Variants in RPH3A observed in about 807,000 individuals in gnomAD.
RPH3A encodes rabphilin 3A.
In RPH3A, 48 loss-of-function variants were observed where a neutral mutation model predicts 102.2. The ratio of observed to expected loss-of-function variants is 0.47; its 90% confidence interval spans 0.37 to 0.60. The LOEUF (loss-of-function observed/expected upper bound fraction) is 0.60. Among genes scored for constraint, RPH3A ranks in the 20% least tolerant of loss-of-function variants. RPH3A has a pLI of 0.00. For synonymous variants in RPH3A, 310 were observed against 324.3 expected (o/e 0.96, Z 0.47); for missense variants, 781 against 910.1 (o/e 0.86, Z 1.83).
intron 1 of RPH3A, among the ~76,000 whole-genome samples, chr12:112,631,354 G>T (rs182141800): frequency 1.4e-4 from 21 of 152,232 alleles, no homozygotes; most frequent in African/African-American, 4.3e-4. Flanking sequence ...AATTTCTGTT[G>T]TCCTCCTTGG....
chr12:112,860,793 G>A (rs2042497037), intron 5 of RPH3A, among the ~76,000 whole-genome samples: 1 of 152,202 alleles, frequency 6.6e-6, no homozygotes, highest in Admixed American at 6.5e-5. Flanking sequence ...ATGGTAGAGT[G>A]AGAAGAACAC....
intron 1 of RPH3A, among the ~76,000 whole-genome samples, chr12:112,638,350 A>G (rs571023139): frequency 5.3e-5 from 8 of 152,232 alleles, no homozygotes; most frequent in African/African-American, 1.9e-4. Flanking sequence ...TAGCAACACA[A>G]ATGGACTAAG....
At position 112,896,963 on chromosome 12, in the gene RPH3A, C is replaced by G. The variant is rs2043189303; in HGVS notation, c.*183C>G. ...GCCAAAGACTCCCTCCTCCCTGATG[C>G]TGGGATGTGGGCTCTGAATACAGCC... On this transcript the variant is annotated 3_prime_UTR_variant, in exon 22 of 22. Coordinates refer to ENST00000389385, the MANE Select transcript of RPH3A (RefSeq NM_001143854.2). 1.6e-6 allele frequency: 1 copy of G among 608,510 alleles called. No homozygotes were observed. The highest frequency in any genetic ancestry group is 2.0e-5 in the South Asian group (1 of 49,096). The allele number at this position is 608,510 out of a possible 1,614,324, so 37.7% of individuals were successfully genotyped here.
chr12:112,822,448 C>A (rs2041797544), intron 2 of RPH3A, among the ~76,000 whole-genome samples: 1 of 152,194 alleles, frequency 6.6e-6, no homozygotes, highest in Non-Finnish European at 1.5e-5. Context: ...TTCCATTCAA[C>A]TACAACTAGC....
At chr12:112,885,321 A>G (rs1430859035) in intron 16 of RPH3A, among the ~76,000 whole-genome samples, 1 of 152,242 alleles carries the variant, frequency 6.6e-6, no homozygotes, top group Non-Finnish European at 1.5e-5. Flanking sequence ...GTGCACTCCT[A>G]TCAGCCATGC....
chr12:112,773,354 A>T (rs2040941074), intron 1 of RPH3A, among the ~76,000 whole-genome samples: 1 of 152,188 alleles, frequency 6.6e-6, no homozygotes, highest in African/African-American at 2.4e-5. Flanking sequence ...TCCTTGGTGC[A>T]GAAAAGATCC....
intron 2 of RPH3A, among the ~76,000 whole-genome samples, chr12:112,814,675 C>T (rs1326691833): frequency 1.3e-5 from 2 of 152,156 alleles, no homozygotes; most frequent in Non-Finnish European, 2.9e-5. Context: ...ACCATTCCTT[C>T]CTGGTGATCT....
chr12:112,719,833 A>T (rs2136041578), intron 1 of RPH3A, among the ~76,000 whole-genome samples: 1 of 152,358 alleles, frequency 6.6e-6, no homozygotes. Flanking sequence ...TAGAAGCCAT[A>T]TTAGATACTG....
chr12:112,869,878 T>C lies in RPH3A; in HGVS notation c.650-15T>C, dbSNP rs1345352824. ...CGATGCCCTTTCTCTACTCAATTCA[T>C]GCTCTTCTTTCCAGGCCCTGACCCA... On this transcript the variant is annotated splice_polypyrimidine_tract_variant and intron_variant, in intron 9 of 21. Transcript: ENST00000389385. The C allele has an allele frequency of 1.2e-6, 2 of 1,614,138 alleles. No homozygotes were observed. Among genetic ancestry groups the C allele is most frequent in the South Asian group, 1.1e-5 (1 of 91,072 alleles).
intron 14 of RPH3A, 125 bp from the exon 15 acceptor site, chr12:112,881,647 G>A: frequency 1.7e-6 from 1 of 587,520 alleles, no homozygotes; most frequent in Non-Finnish European, 3.0e-6. Flanking sequence ...CTCTCTCTTT[G>A]GAGGAGGAAG....
At position 112,747,988 on chromosome 12, in the gene RPH3A, A is replaced by G. The variant is rs138881549; in HGVS notation, c.-139-44155A>G. 1.5e-3 allele frequency among the ~76,000 whole-genome samples: 225 copies of G among 152,320 alleles called. 1 individual carries two copies. Among genetic ancestry groups the G allele is most frequent in the African/African-American group, 5.1e-3 (212 of 41,568 alleles). On this transcript the variant is annotated intron_variant, in intron 1 of 21. Transcript: ENST00000543106. ...GATTTCGGGGGCCAACCTGGAAGAG[A>G]CACACATGCCTTCAACTCACATTCT...
Position 112,868,575 on chromosome 12 carries a change from C to T in RPH3A, c.590C>T (p.Pro197Leu), listed in dbSNP as rs758438780. The change falls in exon 8 of 22, where the codon CCT becomes CTT. Residue 197 changes from proline (P) to leucine (L), a missense_variant. Physicochemically the swap from Pro to Leu is moderately conservative, Grantham distance 98 (BLOSUM62 -3). This residue lies in a region of RPH3A where 730 missense variants were observed against 810.0 expected (regional missense o/e 0.90). Coordinates refer to ENST00000389385, the MANE Select transcript of RPH3A (RefSeq NM_001143854.2). ...CAGCCTGCTCCTGAGCCCAAGCACC[C>T]TGCCCGGGCTCCAGCTCGAGGTAGG... ...PEQPAPEPKH[P>L]ARAPARGDSE... 7 of 1,614,074 alleles carry T rather than the reference C, an allele frequency of 4.3e-6. No individual in the cohort carries two copies. Among genetic ancestry groups the T allele is most frequent in the South Asian group, 3.3e-5 (3 of 91,074 alleles).
At chr12:112,881,723 G>A (rs760873342) in intron 14 of RPH3A, 49 bp from the exon 15 acceptor site, 2 of 1,407,758 alleles carry the variant, frequency 1.4e-6, no homozygotes, top group East Asian at 2.3e-5. Context: ...TGACAGCTGA[G>A]CACTGGGCCC....
chr12:112,727,390 C>CA lies in RPH3A; in HGVS notation c.-139-64736dup, dbSNP rs3037265. Among the ~76,000 whole-genome samples, 327 of 119,070 alleles carry CA rather than the reference C, an allele frequency of 2.7e-3. 4 individuals are homozygous for CA. The highest frequency in any genetic ancestry group is 8.8e-3 in the Middle Eastern group (2 of 226). The allele number at this position is 119,070 out of a possible 152,430, so 78.1% of individuals were successfully genotyped here. On this transcript the variant is annotated intron_variant, in intron 1 of 21. Coordinates refer to the RPH3A transcript ENST00000543106. ...TGGGCGACAGAGCAAGACTCTGCCT[C>CA]AAAAAAAAAAAAAAAAATATATATA... is the stretch of plus-strand genomic sequence containing the variant.
At chr12:112,657,178 T>G (rs2040018901) in intron 1 of RPH3A, among the ~76,000 whole-genome samples, 1 of 152,196 alleles carries the variant, frequency 6.6e-6, no homozygotes, top group Non-Finnish European at 1.5e-5. Context: ...TAATTTGCAT[T>G]TCTCTGATGA....
At chr12:112,880,660 A>G (rs2042893225) in intron 14 of RPH3A, among the ~76,000 whole-genome samples, 1 of 152,186 alleles carries the variant, frequency 6.6e-6, no homozygotes, top group Admixed American at 6.5e-5. Flanking sequence ...GTGGGAGTTA[A>G]GTTAACCCCC....
intron 2 of RPH3A, among the ~76,000 whole-genome samples, chr12:112,805,221 A>G (rs1251633132): frequency 6.6e-6 from 1 of 152,142 alleles, no homozygotes; most frequent in Non-Finnish European, 1.5e-5. Flanking sequence ...TTGGAAGAAA[A>G]TTTTACTTAT....
intron 1 of RPH3A, among the ~76,000 whole-genome samples, chr12:112,760,915 A>G (rs2040850435): frequency 6.6e-6 from 1 of 152,084 alleles, no homozygotes; most frequent in Non-Finnish European, 1.5e-5. Flanking sequence ...TCCTTTCAAC[A>G]CAATGTTCCA....
intron 1 of RPH3A, among the ~76,000 whole-genome samples, chr12:112,706,937 C>G (rs955296327): frequency 6.6e-6 from 1 of 152,112 alleles, no homozygotes; most frequent in Admixed American, 6.5e-5. Flanking sequence ...TTTGGGGAAG[C>G]TGCAACACCT....
Sources: gnomAD v4.1 joint callset for allele counts (sites outside exome capture counted in the v4.1 genomes callset) on GRCh38, gnomAD v4.1.1 for gene constraint, gnomAD v4.1.1 regional missense constraint, MANE v1.5 for transcripts, NCBI Gene and HGNC (gene_info 2026-07-23, HGNC 2026-07-21) for gene names.